Variants in CADPS observed in about 807,000 individuals in gnomAD.
CADPS encodes calcium-dependent secretion activator 1.
In CADPS, 57 loss-of-function variants were observed where a neutral mutation model predicts 167.3. The ratio of observed to expected loss-of-function variants is 0.34; its 90% confidence interval spans 0.28 to 0.42. The LOEUF (loss-of-function observed/expected upper bound fraction) is 0.42, where lower values mean the gene tolerates loss of function less well. Among genes scored for constraint, CADPS ranks in the 20% least tolerant of loss-of-function variants. CADPS has a pLI of 1.00. For missense variants in CADPS, 1,414 were observed against 1,738.1 expected (o/e 0.81, Z 3.32); for synonymous variants, 676 against 635.3 (o/e 1.06, Z -0.96).
At chr3:62,504,189 ATTGT>A (rs1240056457) in intron 17 of CADPS, among the ~76,000 whole-genome samples, 2 of 152,200 alleles carry the variant, frequency 1.3e-5, no homozygotes, top group Non-Finnish European at 2.9e-5. Context: ...TCTTATTGAA[ATTGT>A]TTGGGAAAAA....
At chr3:62,599,723 A>ACATAT (rs1247045503) in intron 6 of CADPS, among the ~76,000 whole-genome samples, 1 of 41,364 alleles carries the variant, frequency 2.4e-5, no homozygotes, top group Non-Finnish European at 3.8e-5. Context: ...TATATAATAT[A>ACATAT]TATAGTATAT....
intron 6 of CADPS, among the ~76,000 whole-genome samples, chr3:62,607,119 T>C (rs1273360451): frequency 6.6e-6 from 1 of 152,218 alleles, no homozygotes; most frequent in Non-Finnish European, 1.5e-5. Flanking sequence ...CTGCAGTCCT[T>C]AGTTAGAATA....
At chr3:62,631,979 T>G (rs925681504) in intron 6 of CADPS, among the ~76,000 whole-genome samples, 1 of 152,206 alleles carries the variant, frequency 6.6e-6, no homozygotes, top group African/African-American at 2.4e-5. Context: ...AACTGTCTGT[T>G]TGCCCCAGGA....
chr3:62,795,129 T>A (rs1035809106), intron 1 of CADPS, among the ~76,000 whole-genome samples: 10 of 151,998 alleles, frequency 6.6e-5, no homozygotes, highest in African/African-American at 2.4e-4. Context: ...TATATACGAA[T>A]AGACTTCCTC....
intron 6 of CADPS, among the ~76,000 whole-genome samples, chr3:62,618,297 G>T (rs2062652715): frequency 6.6e-6 from 1 of 151,958 alleles, no homozygotes. Context: ...TGAGCATCTG[G>T]ATCCAGTCAT....
chr3:62,662,684 C>CACTT (rs2073550348), intron 3 of CADPS, among the ~76,000 whole-genome samples: 1 of 152,146 alleles, frequency 6.6e-6, no homozygotes. Flanking sequence ...GACCAATGCA[C>CACTT]ACTTCTTTTT....
chr3:62,794,722 C>T (rs957682561), intron 1 of CADPS, among the ~76,000 whole-genome samples: 22 of 138,322 alleles, frequency 1.6e-4, no homozygotes, highest in African/African-American at 5.1e-4. Flanking sequence ...CCCGCGGATA[C>T]GTTTCTGTGG....
At chr3:62,817,234 T>G (rs1010885877) in intron 1 of CADPS, among the ~76,000 whole-genome samples, 20 of 152,182 alleles carry the variant, frequency 1.3e-4, no homozygotes, top group Admixed American at 5.9e-4. Context: ...ACTCTCTGGC[T>G]AACTTCAGAA....
intron 1 of CADPS, among the ~76,000 whole-genome samples, chr3:62,840,058 C>G (rs1371278204): frequency 1.3e-5 from 2 of 152,074 alleles, no homozygotes; most frequent in Non-Finnish European, 2.9e-5. Flanking sequence ...CAGAATATGT[C>G]TCTAACAAAG....
At chr3:62,574,298 C>T (rs568900935) in intron 8 of CADPS, among the ~76,000 whole-genome samples, 25 of 151,436 alleles carry the variant, frequency 1.7e-4, no homozygotes, top group Non-Finnish European at 2.9e-4. Context: ...TTTAAGAATG[C>T]AGGAGGGGTG....
intron 3 of CADPS, among the ~76,000 whole-genome samples, chr3:62,748,788 G>A (rs767352450): frequency 5.3e-5 from 8 of 152,062 alleles, no homozygotes; most frequent in Non-Finnish European, 1.0e-4. Flanking sequence ...GCTCACTGTA[G>A]CCCTGACTTC....
chr3:62,741,446 C>A (rs1352711312), intron 3 of CADPS, among the ~76,000 whole-genome samples: 1 of 152,136 alleles, frequency 6.6e-6, no homozygotes, highest in Admixed American at 6.6e-5. Flanking sequence ...GGACTTCAAC[C>A]TGGGATGCAA....
chr3:62,865,385 TAAAAAAA>T (rs35780515), intron 1 of CADPS, among the ~76,000 whole-genome samples: 45 of 110,130 alleles, frequency 4.1e-4, no homozygotes, highest in African/African-American at 1.1e-3. Context: ...ACTTAAGGAT[TAAAAAAA>T]AAAAAAAAAA....
chr3:62,516,660 T>A lies in CADPS; in HGVS notation c.2394-17A>T. ...AAGCAATACCTAAAAAAGACAAAAT[T>A]CTTCAGGTTGCCTAAATTATTACAT... On this transcript the variant is annotated splice_polypyrimidine_tract_variant and intron_variant, in intron 14 of 29. Coordinates refer to ENST00000383710, the MANE Select transcript of CADPS (RefSeq NM_003716.4). The A allele has an allele frequency of 6.3e-7, 1 of 1,585,376 alleles. No homozygotes were observed. The highest frequency in any genetic ancestry group is 8.6e-7 in the Non-Finnish European group (1 of 1,161,154).
rs1480368155 is a variant in CADPS, at chr3:62,874,875, C to A, written c.155G>T (p.Gly52Val). The change falls in exon 1 of 30, where the codon GGC becomes GTC. Residue 52 changes from glycine to valine, a missense_variant. Gly to Val is a moderately radical substitution (Grantham distance 109). This residue lies in a region of CADPS where 522 missense variants were observed against 559.5 expected (regional missense o/e 0.93). Coordinates refer to ENST00000383710, the MANE Select transcript of CADPS (RefSeq NM_003716.4). The surrounding 1 kb of genome is among the most constrained non-coding windows in gnomAD (Gnocchi z 7.1). ...ACCCACCCCGGCTCCGGCGCCGGCG[C>A]CGCCGCCCCCCAGCCCGGCGCTGCC... ...SAGSAGLGGGGAGAGAGVGAG... is the reference protein window; with the variant it reads ...SAGSAGLGGGVAGAGAGVGAG... 1 of 1,160,240 alleles carries A rather than the reference C, an allele frequency of 8.6e-7. No homozygotes were observed. The allele number at this position is 1,160,240 out of a possible 1,614,324, so 71.9% of individuals were successfully genotyped here. A position where few individuals can be genotyped will look rare whatever the true frequency, so the allele number is the denominator to read the frequency against.
Position 62,544,473 on chromosome 3 carries a change from G to C in CADPS, c.1966+5430C>G, listed in dbSNP as rs775573839. 6.6e-6 allele frequency among the ~76,000 whole-genome samples: 1 copy of C among 151,984 alleles called. No homozygotes were observed. The highest frequency in any genetic ancestry group is 1.5e-5 in the Non-Finnish European group (1 of 67,984). ...ACAGCACATTATCAGAGTGCAAAAT[G>C]ATCTGTTTTCAGGCATTAAGCAGTC... On this transcript the variant is annotated intron_variant, in intron 11 of 29. Transcript: ENST00000383710. The surrounding 1 kb of genome is among the most constrained non-coding windows in gnomAD (Gnocchi z 4.4).
At chr3:62,477,195 G>A (rs1433217304) in intron 23 of CADPS, among the ~76,000 whole-genome samples, 4 of 151,978 alleles carry the variant, frequency 2.6e-5, no homozygotes, top group Non-Finnish European at 5.9e-5. Context: ...TCCAAGATAT[G>A]AAATAATAAA....
intron 1 of CADPS, among the ~76,000 whole-genome samples, chr3:62,843,560 C>T (rs1186264120): frequency 2.6e-5 from 4 of 151,450 alleles, no homozygotes; most frequent in African/African-American, 7.3e-5. Flanking sequence ...AGGAAAGCAG[C>T]ATAACGTTGG....
At chr3:62,481,634 G>T in intron 22 of CADPS, 89 bp downstream of exon 22, 1 of 1,200,164 alleles carries the variant, frequency 8.3e-7, no homozygotes, top group East Asian at 2.6e-5. Flanking sequence ...CTCCATCTCT[G>T]TTATATAGGA....
Sources: allele counts gnomAD v4.1 joint callset (sites outside exome capture counted in the v4.1 genomes callset), GRCh38; gene constraint gnomAD v4.1.1; regional missense constraint gnomAD v4.1.1; non-coding constraint Gnocchi (gnomAD v3.1); transcripts MANE v1.5; gene names NCBI Gene and HGNC (gene_info 2026-07-23, HGNC 2026-07-21).